PDE1C: variants seen among roughly 807,000 people sequenced by gnomAD.
PDE1C encodes the protein dual specificity calcium/calmodulin-dependent 3',5'-cyclic nucleotide phosphodiesterase 1C.
A neutral mutation model predicts 93.1 loss-of-function variants in PDE1C; 62 were observed. The observed-to-expected ratio is 0.67, with a 90% CI of 0.54 to 0.82. The LOEUF is 0.82. Among genes scored for constraint, PDE1C ranks in the 40% least tolerant of loss-of-function variants. PDE1C has a pLI of 0.00. For synonymous variants in PDE1C, 325 were observed against 310.1 expected (o/e 1.05, Z -0.50); for missense variants, 742 against 884.6 (o/e 0.84, Z 2.04).
chr7:31,670,009 C>T, the PDE1C span, among the ~76,000 whole-genome samples: 1 of 152,132 alleles, frequency 6.6e-6, no homozygotes, highest in Admixed American at 6.5e-5. Context: ...TCCTTCCATC[C>T]CGTGACAGGT....
chr7:31,758,683 T>C (rs1228644068), intron 17 of PDE1C, among the ~76,000 whole-genome samples: 1 of 152,238 alleles, frequency 6.6e-6, no homozygotes, highest in Non-Finnish European at 1.5e-5. Context: ...TTCTTCTATA[T>C]TATTATAGGT....
chr7:31,983,942 G>T (rs1327232054), intron 2 of PDE1C, among the ~76,000 whole-genome samples: 1 of 152,190 alleles, frequency 6.6e-6, no homozygotes, highest in Non-Finnish European at 1.5e-5. Flanking sequence ...GAGATGTGGG[G>T]TGGAGTAGGT....
At chr7:31,728,714 T>C in the PDE1C span, among the ~76,000 whole-genome samples, 108 of 152,290 alleles carry the variant, frequency 7.1e-4, no homozygotes, top group African/African-American at 2.5e-3. Context: ...CTACTCTGCC[T>C]AGAGTTAAAT....
chr7:32,348,357 T>TC (rs55705978), intron 1 of PDE1C, among the ~76,000 whole-genome samples: 1 of 36,132 alleles, frequency 2.8e-5, no homozygotes, highest in Admixed American at 3.8e-4. Context: ...ACAAATGTGC[T>TC]TTTTTTTTTT....
intron 3 of PDE1C, among the ~76,000 whole-genome samples, chr7:32,111,921 T>C (rs542258035): frequency 6.6e-6 from 1 of 152,352 alleles, no homozygotes; most frequent in African/African-American, 2.4e-5. Context: ...TTTTCCTTGA[T>C]GTTCTCCCAG....
chr7:32,015,747 T>C (rs942385223), intron 2 of PDE1C, among the ~76,000 whole-genome samples: 7 of 152,220 alleles, frequency 4.6e-5, no homozygotes, highest in South Asian at 2.1e-4. Context: ...AAAAAAAAGA[T>C]ACATGGTTAA....
At chr7:32,024,502 A>G in intron 2 of PDE1C, among the ~76,000 whole-genome samples, 1 of 152,024 alleles carries the variant, frequency 6.6e-6, no homozygotes. Context: ...AAAAAAGAAA[A>G]AAGAAAAATA....
intron 17 of PDE1C, among the ~76,000 whole-genome samples, chr7:31,759,875 C>G (rs111580005): frequency 6.6e-6 from 1 of 152,016 alleles, no homozygotes; most frequent in Admixed American, 6.6e-5. Flanking sequence ...CTCTCTCTCT[C>G]TGTCTCTCTC....
At position 32,380,404 on chromosome 7, in the gene PDE1C, A is replaced by AT. The variant is rs55965828; in HGVS notation, c.310+47417dup. Reference sequence around the variant, plus strand: ...AGGCGCATGCCACCATGCCCGGCTAATTTTTTTTTTTTTTTGTATTTTTAG... The same window carrying AT: ...AGGCGCATGCCACCATGCCCGGCTAATTTTTTTTTTTTTTTTGTATTTTTAG... On this transcript the variant is annotated intron_variant, in intron 1 of 1. Coordinates refer to the PDE1C transcript ENST00000672256. 5.8e-4 allele frequency among the ~76,000 whole-genome samples: 79 copies of AT among 137,258 alleles called. 1 individual carries two copies. Among genetic ancestry groups the AT allele is most frequent in the Middle Eastern group, 3.6e-3 (1 of 274 alleles). The allele number at this position is 137,258 out of a possible 152,430, so 90.0% of individuals were successfully genotyped here.
intron 3 of PDE1C, among the ~76,000 whole-genome samples, chr7:32,086,830 T>A (rs1258962300): frequency 6.6e-6 from 1 of 152,168 alleles, no homozygotes; most frequent in Non-Finnish European, 1.5e-5. Context: ...GATCCCTTCC[T>A]TGCACCTTAT....
rs1158935101 is a variant in PDE1C, at chr7:32,186,096, T to TG, written c.137-16141_137-16140insC. 2.1e-3 allele frequency among the ~76,000 whole-genome samples: 191 copies of TG among 90,646 alleles called. 2 individuals carry two copies. The highest frequency in any genetic ancestry group is 3.6e-3 in the Non-Finnish European group (126 of 34,904). 59.5% of individuals were successfully genotyped at this position (90,646 alleles called of 152,430 possible). A position where few individuals can be genotyped will look rare whatever the true frequency, so the allele number is the denominator to read the frequency against. ...CCTAATTTGTTTTTTTGTTTTTTTT[T>TG]TTTTTTTTTTTTTTTTTGAGACGGA... On this transcript the variant is annotated intron_variant, in intron 2 of 18. Transcript: ENST00000396193.
At chr7:31,932,522 C>T (rs1026795679) in intron 2 of PDE1C, among the ~76,000 whole-genome samples, 6 of 152,196 alleles carry the variant, frequency 3.9e-5, no homozygotes, top group African/African-American at 9.6e-5. Context: ...GAGATACCAT[C>T]TCATACCAGT....
At position 31,796,424 on chromosome 7, in the gene PDE1C, T is replaced by C. The variant is rs182288418; in HGVS notation, c.1891+12607A>G. ...GTAGTCACCTGCCATCTTGTTCCTT[T>C]ATAATTCCTTTATATTCATTATATA... On this transcript the variant is annotated intron_variant, in intron 16 of 17. Coordinates refer to ENST00000396191, the MANE Select transcript of PDE1C (RefSeq NM_001191057.4). Among the ~76,000 whole-genome samples the C allele has an allele frequency of 3.1e-3, 474 of 151,766 alleles. 2 individuals carry two copies. The highest frequency in any genetic ancestry group is 0.011 in the African/African-American group (437 of 41,494).
At chr7:32,148,944 A>G (rs1459130274) in intron 3 of PDE1C, among the ~76,000 whole-genome samples, 1 of 152,186 alleles carries the variant, frequency 6.6e-6, no homozygotes, top group Non-Finnish European at 1.5e-5. Flanking sequence ...TGAGAAAGAT[A>G]TTTTCACTTT....
At position 32,412,455 on chromosome 7, in the gene PDE1C, C is replaced by CAA. The variant is rs34753013; in HGVS notation, c.310+15365_310+15366dup. The stretch of plus-strand genomic sequence containing the variant: ...TAGGTGACAGAGTGAGACCCTGTCT[C>CAA]AAAAAAAAAAAAAAAAAGTTTAGCA... On this transcript the variant is annotated intron_variant, in intron 1 of 1. Transcript: ENST00000672256. Among the ~76,000 whole-genome samples, 343 of 85,518 alleles carry CAA rather than the reference C, an allele frequency of 4.0e-3. 6 individuals are homozygous for CAA. The highest frequency in any genetic ancestry group is 0.01 in the African/African-American group (292 of 28,606). The allele number at this position is 85,518 out of a possible 152,430, so 56.1% of individuals were successfully genotyped here.
chr7:31,928,776 T>C (rs1803754261), intron 2 of PDE1C, among the ~76,000 whole-genome samples: 1 of 152,144 alleles, frequency 6.6e-6, no homozygotes, highest in African/African-American at 2.4e-5. Context: ...CAAGAGCTCC[T>C]GAAGGAAGCA....
intron 2 of PDE1C, among the ~76,000 whole-genome samples, chr7:31,930,337 G>T (rs1345319038): frequency 6.6e-6 from 1 of 152,144 alleles, no homozygotes; most frequent in Non-Finnish European, 1.5e-5. Flanking sequence ...GGTACAAAGA[G>T]GAGCTGGTAT....
rs912244455 is a variant in PDE1C, at chr7:31,751,308, A to G, written c.*2076T>C. 1.3e-5 allele frequency: 2 copies of G among 152,212 alleles called. No homozygotes were observed. Among genetic ancestry groups the G allele is most frequent in the African/African-American group, 2.4e-5 (1 of 41,456 alleles). 9.4% of individuals were successfully genotyped at this position (152,212 alleles called of 1,614,324 possible). On this transcript the variant is annotated 3_prime_UTR_variant, in exon 18 of 18. Transcript: ENST00000396191. ...TCAACATCTGTACATTTGCTCCATT[A>G]AAATATTAGCAAAGGTTGAAAAAAA...
At chr7:31,965,569 C>A (rs188568007) in intron 2 of PDE1C, among the ~76,000 whole-genome samples, 84 of 152,256 alleles carry the variant, frequency 5.5e-4, no homozygotes, top group African/African-American at 1.8e-3. Flanking sequence ...CCCAATCTAG[C>A]AAGGCAGGCC....
Sources: gnomAD v4.1 joint callset for allele counts (sites outside exome capture counted in the v4.1 genomes callset) on GRCh38, gnomAD v4.1.1 for gene constraint, MANE v1.5 for transcripts, NCBI Gene and HGNC (gene_info 2026-07-23, HGNC 2026-07-21) for gene names.